The following PSPC1 variants were observed in gnomAD, a reference collection of about 807,000 sequenced individuals.
The protein encoded by PSPC1 is paraspeckle protein 1.
Under a neutral mutation model 51.6 loss-of-function variants are expected in PSPC1, and 14 were observed. The ratio of observed to expected loss-of-function variants is 0.27; its 90% CI spans 0.18 to 0.42. PSPC1 has a LOEUF of 0.42. PSPC1 is among the 10% of genes least tolerant of loss of function. The probability of loss-of-function intolerance (pLI) is 1.00; values close to 1 mark genes in which losing one functional copy is unlikely to be tolerated. For missense variants in PSPC1, 406 were observed against 701.1 expected, an observed-to-expected ratio of 0.58 and a Z score of 4.75; for synonymous variants, 193 against 231.9, an observed-to-expected ratio of 0.83 and a Z score of 1.53.
intron 2 of PSPC1, among the ~76,000 whole-genome samples, chr13:19,764,860 C>T (rs1177645084): frequency 6.6e-6 from 1 of 151,894 alleles, no homozygotes; most frequent in Non-Finnish European, 1.5e-5. Context: ...CAGCCTCCCA[C>T]GTACCTGGGA....
At chr13:19,715,192 A>G (rs577210166) in intron 6 of PSPC1, among the ~76,000 whole-genome samples, 1 of 152,330 alleles carries the variant, frequency 6.6e-6, no homozygotes, top group South Asian at 2.1e-4. Flanking sequence ...GGCACCCTCA[A>G]TAATTTTTAA....
downstream of PSPC1, among the ~76,000 whole-genome samples, chr13:19,697,513 G>A (rs1164688227): frequency 6.6e-6 from 1 of 152,128 alleles, no homozygotes; most frequent in East Asian, 1.9e-4. Flanking sequence ...AATCTTATAT[G>A]ACTAAGAAAA....
intron 5 of PSPC1, 101 bp downstream of exon 5, chr13:19,741,464 T>C: frequency 1.2e-6 from 1 of 820,162 alleles, no homozygotes; most frequent in African/African-American, 1.7e-5. Context: ...AATTTTTCTA[T>C]TTTTCCTGTG....
chr13:19,750,475 T>C (rs1252248729), intron 4 of PSPC1, among the ~76,000 whole-genome samples: 1 of 151,442 alleles, frequency 6.6e-6, no homozygotes, highest in African/African-American at 2.4e-5. Flanking sequence ...TATATATATA[T>C]ACACTTACCA....
At chr13:19,687,714 C>T (rs1878082178) in intron 6 of PSPC1, among the ~76,000 whole-genome samples, 1 of 152,070 alleles carries the variant, frequency 6.6e-6, no homozygotes, top group South Asian at 2.1e-4. Context: ...TGATTTCTGC[C>T]CTTCTTCTCC....
At chr13:19,683,275 T>A in intron 6 of PSPC1, among the ~76,000 whole-genome samples, 1 of 152,206 alleles carries the variant, frequency 6.6e-6, no homozygotes, top group East Asian at 1.9e-4. Flanking sequence ...AGCATATCAA[T>A]AGAAAACTAG....
At chr13:19,781,367 G>A (rs903984963) in intron 1 of PSPC1, among the ~76,000 whole-genome samples, 14 of 151,844 alleles carry the variant, frequency 9.2e-5, no homozygotes, top group Non-Finnish European at 1.3e-4. Flanking sequence ...GGCCAGGCTT[G>A]TTCAAATTTT....
chr13:19,751,027 C>G (rs542988176), intron 4 of PSPC1, among the ~76,000 whole-genome samples: 7 of 152,144 alleles, frequency 4.6e-5, no homozygotes, highest in Admixed American at 1.3e-4. Flanking sequence ...CCTTGGCCCC[C>G]CAAAGTGCTG....
intron 6 of PSPC1, among the ~76,000 whole-genome samples, chr13:19,714,465 A>C (rs1313729267): frequency 6.6e-6 from 1 of 151,012 alleles, no homozygotes. Flanking sequence ...TAAAAAATCC[A>C]TTCAAAATTC....
intron 7 of PSPC1, among the ~76,000 whole-genome samples, chr13:19,709,199 ATTTGAT>A (rs1881101386): frequency 6.6e-6 from 1 of 151,668 alleles, no homozygotes; most frequent in South Asian, 2.1e-4. Flanking sequence ...AAGGCATAAA[ATTTGAT>A]TTTAAAACTG....
intron 7 of PSPC1, among the ~76,000 whole-genome samples, 160 bp from the exon 8 acceptor site, chr13:19,705,991 C>T (rs549411396): frequency 6.6e-6 from 1 of 152,262 alleles, no homozygotes; most frequent in South Asian, 2.1e-4. Flanking sequence ...TAGGGTATTA[C>T]CTACACTCTA....
At chr13:19,734,814 A>G (rs1015457242) in intron 5 of PSPC1, among the ~76,000 whole-genome samples, 5 of 151,422 alleles carry the variant, frequency 3.3e-5, no homozygotes, top group Non-Finnish European at 7.4e-5. Flanking sequence ...AAAAAAAATA[A>G]TAAGAATATA....
chr13:19,739,925 T>G (rs1885261397), intron 5 of PSPC1, among the ~76,000 whole-genome samples: 1 of 151,762 alleles, frequency 6.6e-6, no homozygotes, highest in Non-Finnish European at 1.5e-5. Flanking sequence ...GCTGGAGGAT[T>G]CCAGGTGGCT....
At chr13:19,737,424 GGTTT>G (rs1292539280) in intron 5 of PSPC1, among the ~76,000 whole-genome samples, 1 of 152,036 alleles carries the variant, frequency 6.6e-6, no homozygotes, top group African/African-American at 2.4e-5. Flanking sequence ...CTTGAATTTG[GGTTT>G]GTTTTTTCTC....
intron 6 of PSPC1, among the ~76,000 whole-genome samples, chr13:19,728,465 C>T (rs1883636532): frequency 1.3e-5 from 2 of 151,216 alleles, no homozygotes; most frequent in South Asian, 4.2e-4. Context: ...CACACACACA[C>T]ACACACACAC....
chr13:19,766,352 GAC>G (rs1888067660), intron 2 of PSPC1, among the ~76,000 whole-genome samples: 1 of 152,106 alleles, frequency 6.6e-6, no homozygotes, highest in East Asian at 1.9e-4. Context: ...CACCCTGAGT[GAC>G]AGAGTGAGAC....
At chr13:19,676,060 A>G (rs1876595511) in intron 7 of PSPC1, among the ~76,000 whole-genome samples, 1 of 152,210 alleles carries the variant, frequency 6.6e-6, no homozygotes, top group Admixed American at 6.5e-5. Context: ...TGACAAATCT[A>G]CCTGATAAGC....
In PSPC1 at chr13:19,730,257, C is replaced by T; in HGVS notation, c.1140G>A (p.Lys380=). 1 of 1,613,942 alleles carries T rather than the reference C, an allele frequency of 6.2e-7. No individual in the cohort carries two copies. Among genetic ancestry groups the T allele is most frequent in the Non-Finnish European group, 8.5e-7 (1 of 1,179,920 alleles). ...EELRRQQEGF[K]PNYMENREQE... is the part of the protein sequence containing the mutation. Reference sequence around the variant, plus strand: ...TACTTACATTTTCCATGTAGTTTGGCTTAAAGCCCTCTTGCTGTCGCCTCA... The same window carrying T: ...TACTTACATTTTCCATGTAGTTTGGTTTAAAGCCCTCTTGCTGTCGCCTCA... Residue 380 remains lysine (K), a synonymous_variant, in exon 6 of 9, where the codon AAG becomes AAA. Transcript: ENST00000338910.
At chr13:19,726,649 T>A (rs1054378121) in intron 6 of PSPC1, among the ~76,000 whole-genome samples, 1 of 152,078 alleles carries the variant, frequency 6.6e-6, no homozygotes, top group African/African-American at 2.4e-5. Context: ...ATGTGCTTGT[T>A]GTCTCAGCCA....
Sources: allele counts gnomAD v4.1 joint callset (sites outside exome capture counted in the v4.1 genomes callset), GRCh38; gene constraint gnomAD v4.1.1; transcripts MANE v1.5; gene names NCBI Gene and HGNC (gene_info 2026-07-23, HGNC 2026-07-21).